TACC2: variants seen among roughly 807,000 people sequenced by gnomAD.
TACC2 encodes the protein transforming acidic coiled-coil-containing protein 2.
Under a neutral mutation model 227.3 loss-of-function variants are expected in TACC2, and 137 were observed. The ratio of observed to expected loss-of-function variants is 0.60; its 90% CI spans 0.52 to 0.69. TACC2 has a LOEUF of 0.69. Among genes scored for constraint, TACC2 ranks in the 30% least tolerant of loss-of-function variants. The pLI is 0.00. For synonymous variants in TACC2, 1,523 were observed against 1,487.5 expected (o/e 1.02, Z -0.55); for missense variants, 3,470 against 3,694.4 (o/e 0.94, Z 1.57).
At chr10:122,240,376 A>T (rs1476510679) in intron 18 of TACC2, among the ~76,000 whole-genome samples, 1 of 152,178 alleles carries the variant, frequency 6.6e-6, no homozygotes. Flanking sequence ...GGCTCATCTC[A>T]TGGTTACCTT....
At chr10:122,032,999 C>CAAT in intron 2 of TACC2, 2 of 753,184 alleles carry the variant, frequency 2.7e-6, no homozygotes, top group Non-Finnish European at 3.7e-6. Context: ...ACAACAACAA[C>CAAT]AAAAACAAAA....
chr10:122,150,514 C>T lies in TACC2; in HGVS notation c.5834+6808C>T, dbSNP rs77231059. Among the ~76,000 whole-genome samples, 176 of 152,310 alleles carry T rather than the reference C, an allele frequency of 1.2e-3. 1 individual carries two copies. Among genetic ancestry groups the T allele is most frequent in the African/African-American group, 4.1e-3 (169 of 41,576 alleles). On this transcript the variant is annotated intron_variant, in intron 7 of 22. Coordinates refer to ENST00000369005, the MANE Select transcript of TACC2 (RefSeq NM_206862.4). The surrounding 1 kb of genome is among the most constrained non-coding windows in gnomAD (Gnocchi z 4.0). ...GCGGGAGGCTGCGTTCCTTCCAAGC[C>T]AAATGCGTGCTCTCCAGCCCTCAGA...
intron 2 of TACC2, among the ~76,000 whole-genome samples, chr10:122,024,130 G>A (rs1423904434): frequency 6.6e-6 from 1 of 152,170 alleles, no homozygotes; most frequent in African/African-American, 2.4e-5. Flanking sequence ...CACTTTGGGA[G>A]GCCGAGGCAG....
At chr10:122,237,024 A>G (rs955321154) in intron 16 of TACC2, among the ~76,000 whole-genome samples, 8 of 152,248 alleles carry the variant, frequency 5.3e-5, no homozygotes, top group Non-Finnish European at 7.3e-5. Context: ...TTCACCATTG[A>G]GATCTCATTT....
At chr10:122,139,462 TG>T (rs1275384244) in intron 6 of TACC2, among the ~76,000 whole-genome samples, 18 of 152,206 alleles carry the variant, frequency 1.2e-4, no homozygotes, top group Admixed American at 1.2e-3. Flanking sequence ...ATTTTGGCTT[TG>T]GGGCTTTTCA....
chr10:122,061,765 A>G (rs1007342497), intron 3 of TACC2, among the ~76,000 whole-genome samples: 1 of 152,128 alleles, frequency 6.6e-6, no homozygotes, highest in Non-Finnish European at 1.5e-5. Flanking sequence ...GCAAATGAAT[A>G]ATTCTAGAAC....
At chr10:122,072,100 T>C in intron 3 of TACC2, among the ~76,000 whole-genome samples, 1 of 148,434 alleles carries the variant, frequency 6.7e-6, no homozygotes. Context: ...TGCCTCAACC[T>C]CCCGAGTAGC....
intron 6 of TACC2, among the ~76,000 whole-genome samples, chr10:122,138,672 G>C (rs2090066979): frequency 6.6e-6 from 1 of 152,198 alleles, no homozygotes; most frequent in African/African-American, 2.4e-5. Flanking sequence ...CCAGCACCCA[G>C]CGTGCTGAGT....
At chr10:122,075,364 C>T (rs534279721) in intron 3 of TACC2, among the ~76,000 whole-genome samples, 4 of 152,118 alleles carry the variant, frequency 2.6e-5, no homozygotes, top group South Asian at 2.1e-4. Flanking sequence ...CCAGGGAGCT[C>T]GTCACGTGGC....
Position 122,104,515 on chromosome 10 carries a change from C to T in TACC2, c.5573+15924C>T, listed in dbSNP as rs57784239. ...TCCTGAGTAGCTGTGATTACAGGCG[C>T]TTGCCACCACGCCCAGCTAATTTTT... On this transcript the variant is annotated intron_variant, in intron 5 of 22. Transcript: ENST00000369005. Among the ~76,000 whole-genome samples the T allele has an allele frequency of 3.5e-3, 532 of 152,200 alleles. 5 individuals carry two copies. Among genetic ancestry groups the T allele is most frequent in the African/African-American group, 0.012 (516 of 41,536 alleles).
chr10:122,213,509 G>A (rs2095340173), intron 9 of TACC2: 3 of 870,212 alleles, frequency 3.4e-6, no homozygotes, highest in Non-Finnish European at 5.8e-6. Context: ...GCCTGCGAAT[G>A]ATGGGGCATG....
chr10:122,072,469 T>C (rs1056530056), intron 3 of TACC2, among the ~76,000 whole-genome samples: 1 of 152,174 alleles, frequency 6.6e-6, no homozygotes, highest in Non-Finnish European at 1.5e-5. Context: ...TTTGGACAAG[T>C]TAGGACCATG....
rs779326266 is a variant in TACC2, at chr10:122,085,755, C to T, written c.3255C>T (p.Thr1085=). ...CAGAGACAGAGGCATGTGATGAAACCCAGGAAGGCAGGCAGCAACCAGTGC... is the reference window on the plus strand; with the variant it reads ...CAGAGACAGAGGCATGTGATGAAACTCAGGAAGGCAGGCAGCAACCAGTGC... ...DAPETEACDE[T]QEGRQQPVPA... is the part of the protein sequence containing the mutation. The change falls in exon 4 of 23, where the codon ACC becomes ACT. Residue 1085 remains threonine, a synonymous_variant. Transcript: ENST00000369005. The T allele has an allele frequency of 5.6e-6, 9 of 1,613,844 alleles. No homozygotes were observed. In the South Asian group the frequency reaches 9.9e-5, roughly 18 times the overall value.
chr10:122,185,236 G>A (rs2094143544), intron 7 of TACC2, among the ~76,000 whole-genome samples: 1 of 149,440 alleles, frequency 6.7e-6, no homozygotes, highest in Non-Finnish European at 1.5e-5. Flanking sequence ...TTGTTGTCCA[G>A]GCTAGAGTGC....
At chr10:122,049,192 C>T (rs184483108) in intron 2 of TACC2, among the ~76,000 whole-genome samples, 59 of 152,324 alleles carry the variant, frequency 3.9e-4, no homozygotes, top group African/African-American at 1.4e-3. Flanking sequence ...GCAATGCATG[C>T]GGCCTCATCA....
At chr10:122,042,082 A>G (rs2074359581) in intron 2 of TACC2, among the ~76,000 whole-genome samples, 1 of 152,006 alleles carries the variant, frequency 6.6e-6, no homozygotes, top group Admixed American at 6.5e-5. Context: ...AGTAGCTGGG[A>G]CCACAGGCGC....
intron 7 of TACC2, among the ~76,000 whole-genome samples, chr10:122,149,071 G>A (rs964596291): frequency 2.6e-5 from 4 of 152,226 alleles, no homozygotes; most frequent in Admixed American, 6.5e-5. Context: ...GAAGCCAGGC[G>A]AGGGGTCTGA....
intron 1 of TACC2, among the ~76,000 whole-genome samples, chr10:122,021,245 G>A (rs1217770241): frequency 6.6e-6 from 1 of 150,614 alleles, no homozygotes; most frequent in Admixed American, 6.6e-5. Flanking sequence ...AAAAAGGCGG[G>A]GGGGAAGAAA....
chr10:121,993,936 C>T (rs1241365087), intron 1 of TACC2, among the ~76,000 whole-genome samples: 1 of 152,120 alleles, frequency 6.6e-6, no homozygotes, highest in Non-Finnish European at 1.5e-5. Flanking sequence ...ACACCCAGCC[C>T]CTTTCTTTTT....
Sources: allele counts gnomAD v4.1 joint callset (sites outside exome capture counted in the v4.1 genomes callset), GRCh38; gene constraint gnomAD v4.1.1; non-coding constraint Gnocchi (gnomAD v3.1); transcripts MANE v1.5; gene names NCBI Gene and HGNC (gene_info 2026-07-23, HGNC 2026-07-21).